The following IL3RA variants were observed in gnomAD, a reference collection of about 807,000 sequenced individuals.
IL3RA encodes interleukin 3 receptor subunit alpha, also known as interleukin-3 receptor subunit alpha.
IL3RA carries 73 observed loss-of-function variants against 52.3 expected under a neutral mutation model. That is an observed-to-expected ratio of 1.40 (90% confidence interval 1.16 to 1.70). The LOEUF (loss-of-function observed/expected upper bound fraction) is 1.70, where lower values mean the gene tolerates loss of function less well. Among genes scored for constraint, IL3RA ranks in the 40% most tolerant of loss-of-function variants. The pLI is 0.00. For synonymous variants in IL3RA, 260 were observed against 194.0 expected (o/e 1.34, Z -2.83); for missense variants, 664 against 504.4 (o/e 1.32, Z -3.03).
intron 7 of IL3RA, among the ~76,000 whole-genome samples, chrX:1,358,227 C>T (rs1351890848): frequency 4.6e-5 from 7 of 152,152 alleles, no homozygotes; most frequent in African/African-American, 1.4e-4. Flanking sequence ...CACCCCCTAC[C>T]TAGTTCGCTG....
chrX:1,364,278 G>A, intron 8 of IL3RA, among the ~76,000 whole-genome samples: 1 of 151,826 alleles, frequency 6.6e-6, no homozygotes, highest in East Asian at 1.9e-4. Flanking sequence ...GATCACCGGA[G>A]GTTGGGAGTT....
In IL3RA at chrX:1,360,498, C is replaced by G. The variant is rs755984692; in HGVS notation, c.759+1611C>G. 9.9e-5 allele frequency among the ~76,000 whole-genome samples: 15 copies of G among 151,956 alleles called. No individual in the cohort carries two copies. In the East Asian group the frequency reaches 1.9e-3, roughly 20 times the overall value. On this transcript the variant is annotated intron_variant, in intron 8 of 11. Transcript: ENST00000331035. Reference sequence around the variant, plus strand: ...CCAGTCTCTCTGTATCTCTGTATCTCTCTCCCTTTCTCCTTCCCTCTCTTC... The same window carrying G: ...CCAGTCTCTCTGTATCTCTGTATCTGTCTCCCTTTCTCCTTCCCTCTCTTC...
At chrX:1,367,779 CGCGGGCTGA>C (rs1374544793) in intron 9 of IL3RA, among the ~76,000 whole-genome samples, 4 of 132,730 alleles carry the variant, frequency 3.0e-5, no homozygotes, top group African/African-American at 1.1e-4. Context: ...GAGCGGGGTG[CGCGGGCTGA>C]GCGGGGTGCG....
At position 1,357,791 on chromosome X, in the gene IL3RA, T is replaced by TG. The variant is rs199973727; in HGVS notation, c.733-1067dup. On this transcript the variant is annotated intron_variant, in intron 7 of 11. Transcript: ENST00000331035. ...CCAAGTGTTTTTTAGCCAATCTGTTTGGGTTTTTTTTTTTTTTAAGAAAAT... is the reference window on the plus strand; with the variant it reads ...CCAAGTGTTTTTTAGCCAATCTGTTTGGGGTTTTTTTTTTTTTTAAGAAAAT... 4.3e-3 allele frequency among the ~76,000 whole-genome samples: 640 copies of TG among 149,856 alleles called. 7 individuals are homozygous for TG. Among genetic ancestry groups the TG allele is most frequent in the African/African-American group, 0.014 (582 of 40,346 alleles).
intron 2 of IL3RA, among the ~76,000 whole-genome samples, chrX:1,343,255 T>A (rs1446211105): frequency 6.6e-6 from 1 of 152,048 alleles, no homozygotes. Context: ...TCAAGATCCT[T>A]ACAGTTTATA....
At chrX:1,368,697 G>A (rs1389968621) in intron 9 of IL3RA, among the ~76,000 whole-genome samples, 10 of 151,722 alleles carry the variant, frequency 6.6e-5, no homozygotes, top group East Asian at 3.9e-4. Context: ...ACAGAGGGAC[G>A]ACCCTGTGGG....
At chrX:1,354,393 A>T (rs6603273) in intron 6 of IL3RA, among the ~76,000 whole-genome samples, 1 of 151,128 alleles carries the variant, frequency 6.6e-6, no homozygotes, top group Admixed American at 6.6e-5. Context: ...CCTGAACCCA[A>T]GGGCAGGGTG....
At chrX:1,349,043 T>G in intron 4 of IL3RA, among the ~76,000 whole-genome samples, 1 of 147,016 alleles carries the variant, frequency 6.8e-6, no homozygotes, top group South Asian at 2.4e-4. Context: ...GGTCTTGCTC[T>G]GTTGCCCAGG....
At chrX:1,355,636 C>T (rs7473754) in intron 6 of IL3RA, among the ~76,000 whole-genome samples, 2,451 of 140,684 alleles carry the variant, frequency 0.017, 76 homozygotes, top group African/African-American at 0.061. Context: ...CTGGGAGAGG[C>T]GGCACATCCC....
chrX:1,353,131 A>G (rs1987286786), intron 6 of IL3RA, among the ~76,000 whole-genome samples: 1 of 145,702 alleles, frequency 6.9e-6, no homozygotes, highest in African/African-American at 2.6e-5. Context: ...ACCCCCCATC[A>G]TGGGTTCCAC....
intron 4 of IL3RA, 151 bp downstream of exon 4, chrX:1,348,696 CTTTCTTTCTG>C (rs879019591): frequency 0.15 from 50,344 of 344,464 alleles, 4,730 homozygotes; most frequent in African/African-American, 0.25. Flanking sequence ...CTTTCTTTTT[CTTTCTTTCTG>C]TTTCTGTTTC....
rs199666012 is a variant in IL3RA at position 1,360,253 on chromosome X, T to TCTCC, written c.759+1371_759+1374dup. On this transcript the variant is annotated intron_variant, in intron 8 of 11. Coordinates refer to ENST00000331035, the MANE Select transcript of IL3RA (RefSeq NM_002183.4). ...GTCTGTCTCTGTATCTCTCTCCCTT[T>TCTCC]CTCCCTCCATCTTTCTCTCTCTCTC... Among the ~76,000 whole-genome samples the TCTCC allele has an allele frequency of 1.5e-4, 6 of 39,088 alleles. 1 individual carries two copies. The highest frequency in any genetic ancestry group is 5.8e-4 in the African/African-American group (4 of 6,952). 25.6% of individuals were successfully genotyped at this position (39,088 alleles called of 152,430 possible).
intron 1 of IL3RA, among the ~76,000 whole-genome samples, chrX:1,340,210 G>A (rs769086232): frequency 1.5e-4 from 22 of 151,448 alleles, no homozygotes; most frequent in African/African-American, 4.4e-4. Context: ...CCACCTCCCG[G>A]GTTCAACTGA....
chrX:1,378,161 C>T (rs1299413664), intron 9 of IL3RA, among the ~76,000 whole-genome samples: 4 of 141,578 alleles, frequency 2.8e-5, no homozygotes, highest in Non-Finnish European at 4.5e-5. Context: ...CCAGCCTGGG[C>T]GACAAAACGA....
At chrX:1,348,587 C>T (rs773384671) in intron 4 of IL3RA, 42 bp downstream of exon 4, 193 of 1,378,354 alleles carry the variant, frequency 1.4e-4, no homozygotes, top group Non-Finnish European at 2.0e-4. Context: ...CTATTCCCTC[C>T]CTCCTTCCCT....
intron 3 of IL3RA, among the ~76,000 whole-genome samples, chrX:1,348,222 G>T (rs376654401): frequency 6.8e-6 from 1 of 148,134 alleles, no homozygotes; most frequent in Admixed American, 6.8e-5. Flanking sequence ...GCGTGGTGGC[G>T]GGCACCTGTA....
At chrX:1,341,578 A>G (rs2085499028) in intron 1 of IL3RA, 150 bp from the exon 2 acceptor site, 2 of 634,068 alleles carry the variant, frequency 3.2e-6, no homozygotes, top group Non-Finnish European at 5.6e-6. Flanking sequence ...ATTTGCACAC[A>G]GACACATATG....
At chrX:1,352,730 GTA>G (rs1491582516) in intron 6 of IL3RA, among the ~76,000 whole-genome samples, 5 of 151,804 alleles carry the variant, frequency 3.3e-5, no homozygotes, top group Non-Finnish European at 5.9e-5. Flanking sequence ...TTCACGTGGT[GTA>G]GAGAGAGAGA....
At chrX:1,377,646 G>A (rs2088867542) in intron 9 of IL3RA, among the ~76,000 whole-genome samples, 6 of 151,448 alleles carry the variant, frequency 4.0e-5, no homozygotes, top group Admixed American at 3.9e-4. Flanking sequence ...ATAGGTTCTG[G>A]GGGTGAGGTC....
Sources: allele counts gnomAD v4.1 joint callset (sites outside exome capture counted in the v4.1 genomes callset), GRCh38; gene constraint gnomAD v4.1.1; transcripts MANE v1.5; gene names NCBI Gene and HGNC (gene_info 2026-07-23, HGNC 2026-07-21).